MAP3K13: variants seen among roughly 807,000 people sequenced by gnomAD.
MAP3K13 encodes the protein mitogen-activated protein kinase kinase kinase 13, also known as leucine zipper-bearing kinase.
In MAP3K13, 52 loss-of-function variants were observed where a neutral mutation model predicts 104.0. The observed-to-expected ratio is 0.50, with a 90% CI of 0.40 to 0.63. The LOEUF (loss-of-function observed/expected upper bound fraction) is 0.63. MAP3K13 is among the 20% of genes least tolerant of loss of function. MAP3K13 has a pLI of 0.00. For synonymous variants in MAP3K13, 394 were observed against 442.2 expected (o/e 0.89, Z 1.37); for missense variants, 914 against 1,218.5 (o/e 0.75, Z 3.72).
At chr3:185,443,164 C>G (rs917272307) in intron 3 of MAP3K13, among the ~76,000 whole-genome samples, 1 of 152,164 alleles carries the variant, frequency 6.6e-6, no homozygotes. Context: ...AAAGTGTGCT[C>G]TTTGTCCCGG....
intron 1 of MAP3K13, among the ~76,000 whole-genome samples, chr3:185,374,727 C>T (rs1724339212): frequency 6.6e-6 from 1 of 151,676 alleles, no homozygotes; most frequent in South Asian, 2.1e-4. Flanking sequence ...TAGGTAAAAA[C>T]AGCACTCTTC....
At chr3:185,376,798 G>A (rs1343757392) in intron 1 of MAP3K13, among the ~76,000 whole-genome samples, 1 of 152,108 alleles carries the variant, frequency 6.6e-6, no homozygotes, top group Non-Finnish European at 1.5e-5. Context: ...GACGTGATCA[G>A]CAGGGAGAGC....
intron 11 of MAP3K13, among the ~76,000 whole-genome samples, chr3:185,476,025 CT>C (rs1718103250): frequency 6.6e-6 from 1 of 152,074 alleles, no homozygotes; most frequent in African/African-American, 2.4e-5. Flanking sequence ...TAGTTCAATG[CT>C]TTTTATCCAC....
chr3:185,436,535 T>C (rs1715037387), intron 2 of MAP3K13, among the ~76,000 whole-genome samples: 1 of 152,182 alleles, frequency 6.6e-6, no homozygotes. Flanking sequence ...GCCTTAGTTT[T>C]TTCATCTTTA....
At chr3:185,411,479 G>A (rs1713443537) in intron 1 of MAP3K13, among the ~76,000 whole-genome samples, 1 of 151,996 alleles carries the variant, frequency 6.6e-6, no homozygotes. Context: ...ACCTACTCAG[G>A]GAAATTTATT....
chr3:185,465,999 G>A, intron 9 of MAP3K13, 136 bp downstream of exon 9: 1 of 697,272 alleles, frequency 1.4e-6, no homozygotes, highest in South Asian at 1.7e-5. Context: ...TCCGGGATGT[G>A]CTATGCACAG....
At chr3:185,313,080 T>G (rs1253573506) in intron 2 of MAP3K13, among the ~76,000 whole-genome samples, 1 of 151,510 alleles carries the variant, frequency 6.6e-6, no homozygotes, top group Admixed American at 6.6e-5. Context: ...GTTTCAGCTC[T>G]CAGGAGGCTG....
At chr3:185,330,082 T>A (rs1419213764) in intron 2 of MAP3K13, among the ~76,000 whole-genome samples, 15 of 117,668 alleles carry the variant, frequency 1.3e-4, no homozygotes, top group Non-Finnish European at 2.1e-4. Flanking sequence ...TTTTTTTTTT[T>A]AGTAGAGATG....
chr3:185,466,150 G>A (rs572456320), intron 9 of MAP3K13, among the ~76,000 whole-genome samples: 7 of 152,176 alleles, frequency 4.6e-5, no homozygotes, highest in Non-Finnish European at 1.0e-4. Flanking sequence ...CCGGGGAGCC[G>A]ATTGCCCCCT....
intron 2 of MAP3K13, among the ~76,000 whole-genome samples, chr3:185,318,607 T>A (rs1364714355): frequency 6.6e-6 from 1 of 152,204 alleles, no homozygotes; most frequent in Non-Finnish European, 1.5e-5. Context: ...TAATTTTAAT[T>A]ATGTTGGTAG....
chr3:185,473,232 A>G lies in MAP3K13; in HGVS notation c.1901A>G (p.His634Arg), dbSNP rs1363193130. Reference protein sequence around the residue: ...AQSQYPSLHHHNSLQQQYQQP... With the variant: ...AQSQYPSLHHRNSLQQQYQQP... ...TCCCAATACCCTTCTCTTCATCACCATAATTCTCTGCAGCAGCAATACCAG... is the reference window on the plus strand; with the variant it reads ...TCCCAATACCCTTCTCTTCATCACCGTAATTCTCTGCAGCAGCAATACCAG... Residue 634 changes from histidine to arginine, a missense_variant, in exon 11 of 14, where the codon CAT becomes CGT. Around this residue, in one of 3 missense-constraint regions of MAP3K13, gnomAD observed 583 missense variants for 737.4 expected, o/e 0.79. Coordinates refer to ENST00000265026, the MANE Select transcript of MAP3K13 (RefSeq NM_004721.5). This position sits in a 1 kb window ranked among gnomAD's most constrained non-coding sequence, Gnocchi z 4.9. The G allele has an allele frequency of 1.9e-6, 3 of 1,614,170 alleles. No homozygotes were observed. The highest frequency in any genetic ancestry group is 1.7e-5 in the Admixed American group (1 of 60,020).
chr3:185,296,310 A>C (rs9818008), intron 2 of MAP3K13, among the ~76,000 whole-genome samples: 102,746 of 151,984 alleles, frequency 0.68, 36,287 homozygotes, highest in Non-Finnish European at 0.78. Context: ...AAGTCCTTAT[A>C]ATGGTCTCCA....
At chr3:185,334,389 A>G (rs1384327572) in intron 2 of MAP3K13, among the ~76,000 whole-genome samples, 2 of 152,170 alleles carry the variant, frequency 1.3e-5, no homozygotes, top group Admixed American at 6.5e-5. Flanking sequence ...AAGGTAAATG[A>G]CTTATAATAC....
At chr3:185,350,033 A>G (rs1302209241) in intron 2 of MAP3K13, among the ~76,000 whole-genome samples, 1 of 152,246 alleles carries the variant, frequency 6.6e-6, no homozygotes, top group Non-Finnish European at 1.5e-5. Flanking sequence ...CAGGCCACAG[A>G]AAAATAGAAA....
intron 1 of MAP3K13, among the ~76,000 whole-genome samples, chr3:185,420,592 G>A (rs1714060964): frequency 6.6e-6 from 1 of 152,196 alleles, no homozygotes; most frequent in South Asian, 2.1e-4. Flanking sequence ...CAAGTAAAGA[G>A]AAGATAGCTT....
In MAP3K13 at chr3:185,468,050, A is replaced by G. The variant is rs147037122; in HGVS notation, c.1643+1087A>G. The stretch of plus-strand genomic sequence containing the variant: ...CATGAAAACTCACTCACTCACTATC[A>G]TGAGAACAGCACCGAGGAGATGATG... On this transcript the variant is annotated intron_variant, in intron 10 of 13. Transcript: ENST00000265026. Among the ~76,000 whole-genome samples, 768 of 152,260 alleles carry G rather than the reference A, an allele frequency of 5.0e-3. 1 individual carries two copies. Among genetic ancestry groups the G allele is most frequent in the Non-Finnish European group, 8.3e-3 (563 of 68,038 alleles).
chr3:185,390,835 A>T (rs533824917), intron 1 of MAP3K13, among the ~76,000 whole-genome samples: 34 of 151,936 alleles, frequency 2.2e-4, no homozygotes, highest in African/African-American at 6.3e-4. Flanking sequence ...GTTGGCCAGG[A>T]TGGTCTCGAT....
chr3:185,306,909 T>A (rs1351381798), intron 2 of MAP3K13, among the ~76,000 whole-genome samples: 1 of 152,148 alleles, frequency 6.6e-6, no homozygotes, highest in Middle Eastern at 3.2e-3. Flanking sequence ...ATTATTACAG[T>A]TTGAGGTCTT....
intron 1 of MAP3K13, among the ~76,000 whole-genome samples, chr3:185,424,862 T>C (rs1379873698): frequency 1.3e-5 from 2 of 152,196 alleles, no homozygotes; most frequent in Non-Finnish European, 2.9e-5. Context: ...CCTTGCTCTG[T>C]TGCCCAGCCT....
Sources: gnomAD v4.1 joint callset for allele counts (sites outside exome capture counted in the v4.1 genomes callset) on GRCh38, gnomAD v4.1.1 for gene constraint, gnomAD v4.1.1 regional missense constraint, Gnocchi (gnomAD v3.1) non-coding constraint, MANE v1.5 for transcripts, NCBI Gene and HGNC (gene_info 2026-07-23, HGNC 2026-07-21) for gene names.